The following AXDND1 variants were observed in gnomAD, a reference collection of about 807,000 sequenced individuals.
The protein encoded by AXDND1 is axonemal dynein light chain domain containing 1, also known as axonemal dynein light chain domain-containing protein 1.
A neutral mutation model predicts 137.5 loss-of-function variants in AXDND1; 110 were observed. The observed-to-expected ratio is 0.80, with a 90% CI of 0.69 to 0.94. The LOEUF (loss-of-function observed/expected upper bound fraction) is 0.94, where lower values mean the gene tolerates loss of function less well. Among genes scored for constraint, AXDND1 ranks in the 40% least tolerant of loss-of-function variants. AXDND1 has a pLI of 0.00. For missense variants in AXDND1, 1,191 were observed against 1,169.8 expected, an observed-to-expected ratio of 1.02 and a Z score of -0.26; for synonymous variants, 414 against 399.7, an observed-to-expected ratio of 1.04 and a Z score of -0.43.
chr1:179,413,752 A>G (rs997526711), intron 12 of AXDND1, among the ~76,000 whole-genome samples: 29 of 152,344 alleles, frequency 1.9e-4, no homozygotes, highest in Admixed American at 1.8e-3. Context: ...TCCTTTGGGT[A>G]TATAACCACT....
chr1:179,490,696 C>T (rs1410496924), intron 18 of AXDND1, among the ~76,000 whole-genome samples: 1 of 151,898 alleles, frequency 6.6e-6, no homozygotes, highest in Non-Finnish European at 1.5e-5. Flanking sequence ...GCTTCTCTGA[C>T]CTTGGAATCA....
intron 4 of AXDND1, among the ~76,000 whole-genome samples, chr1:179,372,457 G>A (rs1668128895): frequency 6.6e-6 from 1 of 152,158 alleles, no homozygotes; most frequent in Admixed American, 6.5e-5. Context: ...ATGATTTGAA[G>A]AAGAGCTTGA....
rs757170751 is a variant in AXDND1 at position 179,534,905 on chromosome 1, CAACAAG to C, written c.2977_2982del (p.Gln993_Glu994del). On this transcript the variant is annotated inframe_deletion, in exon 25 of 26. Coordinates refer to ENST00000367618, the MANE Select transcript of AXDND1 (RefSeq NM_144696.6). ...AAGAGAAGTAAAAGAAGAAGAAGAA[CAACAAG>C]AAGAAGAAGAAGTCAGGTCAGCAGA... 1.5e-5 allele frequency: 22 copies of C among 1,501,318 alleles called. No individual in the cohort carries two copies. In the South Asian group the frequency reaches 2.3e-4, roughly 16 times the overall value. 93.0% of individuals were successfully genotyped at this position (1,501,318 alleles called of 1,614,324 possible). A position where few individuals can be genotyped will look rare whatever the true frequency, so the allele number is the denominator to read the frequency against.
At chr1:179,503,414 G>GT (rs1345720696) in intron 20 of AXDND1, among the ~76,000 whole-genome samples, 1 of 151,906 alleles carries the variant, frequency 6.6e-6, no homozygotes, top group African/African-American at 2.4e-5. Flanking sequence ...TAGGAAAATA[G>GT]TATCATTAAT....
chr1:179,486,463 T>TTTATATAAGAATCA (rs1406107374), intron 18 of AXDND1, among the ~76,000 whole-genome samples: 7 of 149,652 alleles, frequency 4.7e-5, no homozygotes, highest in African/African-American at 1.3e-4. Flanking sequence ...ACATTCAAAT[T>TTTATATAAGAATCA]CAGGAAATGC....
chr1:179,470,601 A>G (rs763292149), intron 17 of AXDND1, among the ~76,000 whole-genome samples: 12 of 152,142 alleles, frequency 7.9e-5, no homozygotes, highest in Non-Finnish European at 1.6e-4. Context: ...TATGTATAGG[A>G]ACACAACTGA....
At chr1:179,548,049 G>C (rs1672806562) in intron 25 of AXDND1, among the ~76,000 whole-genome samples, 2 of 151,980 alleles carry the variant, frequency 1.3e-5, no homozygotes, top group Non-Finnish European at 1.5e-5. Flanking sequence ...ATATCATGGT[G>C]GGAATCAAAA....
chr1:179,457,038 C>T, intron 16 of AXDND1: 1 of 1,506,668 alleles, frequency 6.6e-7, no homozygotes, highest in East Asian at 2.3e-5. Flanking sequence ...GTTAAGTGGG[C>T]ACCTGGTCTT....
intron 16 of AXDND1, among the ~76,000 whole-genome samples, chr1:179,459,645 T>C (rs1414098269): frequency 6.6e-6 from 1 of 151,902 alleles, no homozygotes; most frequent in Non-Finnish European, 1.5e-5. Context: ...GGTCTGCTGA[T>C]TACTTTTTGT....
intron 21 of AXDND1, among the ~76,000 whole-genome samples, chr1:179,518,379 C>T (rs12737288): frequency 0.88 from 131,879 of 150,124 alleles, 58,076 homozygotes; most frequent in East Asian, 0.96. Flanking sequence ...ATACATTTTC[C>T]TTTTTCTTTT....
In AXDND1 at chr1:179,491,722, C is replaced by G. The variant is rs1263553830; in HGVS notation, c.2276C>G (p.Ser759Cys). The G allele has an allele frequency of 2.6e-6, 4 of 1,561,372 alleles. No individual in the cohort carries two copies. The South Asian group carries it at 3.7e-5, about 14-fold the overall frequency. Residue 759 changes from serine to cysteine, a missense_variant, in exon 19 of 26, where the codon TCC (serine) becomes TGC (cysteine). Ser to Cys is a moderately radical substitution (Grantham distance 112). Transcript: ENST00000367618. ...IELTRKLYQY[S>C]SYLSSCCKGM... is the part of the protein sequence containing the mutation. ...CTGACAAGGAAGTTGTACCAATACT[C>G]CAGCTATTTGAGCAGGTGAAGCGGT...
chr1:179,467,983 ACTT>A (rs1372712814), intron 16 of AXDND1, among the ~76,000 whole-genome samples: 1 of 152,184 alleles, frequency 6.6e-6, no homozygotes, highest in African/African-American at 2.4e-5. Context: ...AAAGCTATAA[ACTT>A]TATGAAACCC....
At chr1:179,525,226 C>A in intron 21 of AXDND1, 108 bp from the exon 22 acceptor site, 1 of 1,119,120 alleles carries the variant, frequency 8.9e-7, no homozygotes, top group Non-Finnish European at 1.2e-6. Context: ...GTATCCTTGT[C>A]ACTAGCACAG....
At position 179,533,808 on chromosome 1, in the gene AXDND1, A is replaced by G; in HGVS notation, c.2729A>G (p.Lys910Arg). 1 of 1,612,478 alleles carries G rather than the reference A, an allele frequency of 6.2e-7. No individual in the cohort carries two copies. The highest frequency in any genetic ancestry group is 1.3e-5 in the African/African-American group (1 of 75,000). ...TTCCTCTGTCAGAGAGAGTCAGCTA[A>G]GCAAGGTACATTGGCCCAAAAATAT... ...DVLSSWRESA[K>R]QGTLAQKYLE... Residue 910 changes from lysine (K) to arginine (R), a missense_variant, in exon 24 of 26, where the codon AAG (lysine) becomes AGG (arginine). Coordinates refer to ENST00000367618, the MANE Select transcript of AXDND1 (RefSeq NM_144696.6).
chr1:179,397,744 G>A (rs1164030805), intron 11 of AXDND1, among the ~76,000 whole-genome samples: 2 of 152,062 alleles, frequency 1.3e-5, no homozygotes, highest in African/African-American at 4.8e-5. Flanking sequence ...CAGTCTTCAA[G>A]TTCTGAGATT....
intron 25 of AXDND1, among the ~76,000 whole-genome samples, chr1:179,541,067 C>G (rs1241796216): frequency 1.3e-5 from 2 of 152,220 alleles, no homozygotes; most frequent in Non-Finnish European, 2.9e-5. Flanking sequence ...GACTGCTGCC[C>G]TAGCAGCAAG....
At chr1:179,438,539 A>G (rs1658545414) in intron 15 of AXDND1, among the ~76,000 whole-genome samples, 1 of 152,206 alleles carries the variant, frequency 6.6e-6, no homozygotes, top group Admixed American at 6.5e-5. Flanking sequence ...CAAGGAAACA[A>G]TAGCAAAAAT....
chr1:179,528,026 A>T (rs1013584284), intron 22 of AXDND1, among the ~76,000 whole-genome samples: 1 of 152,202 alleles, frequency 6.6e-6, no homozygotes, highest in African/African-American at 2.4e-5. Flanking sequence ...AACAGTAATC[A>T]TGTTATACCA....
At chr1:179,391,827 T>C (rs1051751799) in intron 9 of AXDND1, among the ~76,000 whole-genome samples, 6 of 152,092 alleles carry the variant, frequency 3.9e-5, no homozygotes, top group African/African-American at 1.4e-4. Flanking sequence ...CATGAGTCAC[T>C]GTGCCTGGCC....
Sources: gnomAD v4.1 joint callset for allele counts (sites outside exome capture counted in the v4.1 genomes callset) on GRCh38, gnomAD v4.1.1 for gene constraint, MANE v1.5 for transcripts, NCBI Gene and HGNC (gene_info 2026-07-23, HGNC 2026-07-21) for gene names.